The following FKBP15 variants were observed in gnomAD, a reference collection of about 807,000 sequenced individuals.
The protein encoded by FKBP15 is FK506-binding protein 15.
A neutral mutation model predicts 158.1 loss-of-function variants in FKBP15; 106 were observed. That is an observed-to-expected ratio of 0.67 (90% CI 0.57 to 0.79). The LOEUF is 0.79. FKBP15 is among the 30% of genes least tolerant of loss of function. The pLI, the probability that FKBP15 is intolerant of heterozygous loss-of-function variation, is 0.00. For missense variants in FKBP15, 1,287 were observed against 1,479.1 expected, an observed-to-expected ratio of 0.87 and a Z score of 2.13; for synonymous variants, 547 against 548.6, an observed-to-expected ratio of 1.00 and a Z score of 0.04.
chr9:113,196,164 C>G (rs1465052450), intron 9 of FKBP15, among the ~76,000 whole-genome samples: 1 of 152,050 alleles, frequency 6.6e-6, no homozygotes, highest in African/African-American at 2.4e-5. Flanking sequence ...TAACCAGTAT[C>G]TTAATGATGG....
At chr9:113,188,584 G>A in intron 12 of FKBP15, 93 bp from the exon 13 acceptor site, 1 of 978,246 alleles carries the variant, frequency 1.0e-6, no homozygotes, top group East Asian at 2.5e-5. Context: ...TTCCAACACA[G>A]GATTTCTAGG....
At chr9:113,192,045 A>G (rs911204939) in intron 11 of FKBP15, among the ~76,000 whole-genome samples, 15 of 151,890 alleles carry the variant, frequency 9.9e-5, no homozygotes, top group African/African-American at 3.1e-4. Flanking sequence ...TAAAAAAAAA[A>G]AGAGAAGAAA....
chr9:113,194,322 C>T (rs1328455310), intron 9 of FKBP15, among the ~76,000 whole-genome samples, 153 bp from the exon 10 acceptor site: 1 of 151,780 alleles, frequency 6.6e-6, no homozygotes, highest in Non-Finnish European at 1.5e-5. Flanking sequence ...TGCTAGATGA[C>T]AAGTTAGTGG....
chr9:113,211,000 T>C (rs1830990076), intron 2 of FKBP15, among the ~76,000 whole-genome samples: 1 of 152,202 alleles, frequency 6.6e-6, no homozygotes, highest in Non-Finnish European at 1.5e-5. Context: ...CTCGGACTGA[T>C]CCACTACTGG....
chr9:113,162,293 A>C lies in FKBP15; in HGVS notation c.*3785T>G, dbSNP rs560365727. ...CTCATTCCTGTTTTACTGATAAGGAATCTTACGTTCAGAGAGGTTAAGACA... is the reference window on the plus strand; with the variant it reads ...CTCATTCCTGTTTTACTGATAAGGACTCTTACGTTCAGAGAGGTTAAGACA... On this transcript the variant is annotated 3_prime_UTR_variant, in exon 28 of 28. Transcript: ENST00000238256. 8.2e-5 allele frequency: 19 copies of C among 231,878 alleles called. No individual in the cohort carries two copies. The highest frequency in any genetic ancestry group is 1.4e-4 in the Non-Finnish European group (16 of 117,482). The allele number at this position is 231,878 out of a possible 1,614,324, so 14.4% of individuals were successfully genotyped here.
rs202242406 is a variant in FKBP15 at position 113,173,530 on chromosome 9, C to T, written c.2455G>A (p.Glu819Lys). ...ACCTCCTGGTACTGCTGCAGGTGCTCATCCTTGGCGGAGGCCAACAAATGT... is the reference window on the plus strand; with the variant it reads ...ACCTCCTGGTACTGCTGCAGGTGCTTATCCTTGGCGGAGGCCAACAAATGT... ...CEHLLASAKD[E>K]HLQQYQEVCA... Residue 819 changes from glutamate to lysine, a missense_variant, in exon 23 of 28, where the codon GAG becomes AAG. Transcript: ENST00000238256. The T allele has an allele frequency of 1.1e-4, 184 of 1,614,002 alleles. 1 individual carries two copies. The South Asian group carries it at 1.7e-3, about 15-fold the overall frequency.
intron 1 of FKBP15, among the ~76,000 whole-genome samples, chr9:113,218,166 C>CT (rs1831178625): frequency 6.6e-6 from 1 of 151,704 alleles, no homozygotes; most frequent in South Asian, 2.1e-4. Flanking sequence ...AGTATTAATA[C>CT]TTTTTTAAAC....
chr9:113,178,618 C>T lies in FKBP15; in HGVS notation c.2086+12G>A, dbSNP rs1252193457. 10 of 1,602,496 alleles carry T rather than the reference C, an allele frequency of 6.2e-6. No homozygotes were observed. Among genetic ancestry groups the T allele is most frequent in the Non-Finnish European group, 7.7e-6 (9 of 1,175,170 alleles). ...ATGGCAACAATCCCAGCATCCCCCA[C>T]CTAGCACATACCTGAGAGCTTTGCC... On this transcript the variant is annotated intron_variant, in intron 20 of 27. Transcript: ENST00000238256.
At chr9:113,203,336 A>G (rs1427036882) in intron 4 of FKBP15, among the ~76,000 whole-genome samples, 11 of 152,166 alleles carry the variant, frequency 7.2e-5, no homozygotes, top group Non-Finnish European at 2.9e-5. Flanking sequence ...GAAAATACAA[A>G]TTGTTTTTAA....
chr9:113,174,456 A>G lies in FKBP15; in HGVS notation c.2351T>C (p.Val784Ala). ...KLRQLLKKTR[V>A]STDQAAAEQL... ...CTCTGCAGCTGCTTGGTCTGTGGAC[A>G]CTCGAGTCTTTTTCAAGAGCTGTCG... is the stretch of plus-strand genomic sequence containing the variant. Residue 784 changes from valine to alanine, a missense_variant, in exon 22 of 28, where the codon GTG (valine) becomes GCG (alanine). Transcript: ENST00000238256. The G allele has an allele frequency of 6.2e-7, 1 of 1,613,878 alleles. No homozygotes were observed. Among genetic ancestry groups the G allele is most frequent in the Non-Finnish European group, 8.5e-7 (1 of 1,179,834 alleles).
rs544106020 is a variant in FKBP15, at chr9:113,211,577, T to C, written c.69A>G (p.Ser23=). ...LSPSGGARLA[S]LFGLDQAAAG... is the part of the protein sequence containing the mutation. ...CAGCTGCCTGATCCAGTCCAAAAAGTGAGGCCAATCTGGCACTGTTAGTAG... is the reference window on the plus strand; with the variant it reads ...CAGCTGCCTGATCCAGTCCAAAAAGCGAGGCCAATCTGGCACTGTTAGTAG... The change falls in exon 2 of 28, where the codon TCA becomes TCG. Residue 23 remains serine (S), a synonymous_variant. Transcript: ENST00000238256. The C allele has an allele frequency of 9.4e-6, 15 of 1,601,884 alleles. No homozygotes were observed. The African/African-American group carries it at 1.9e-4, about 20-fold the overall frequency.
rs777933752 is a variant in FKBP15, at chr9:113,174,135, A to G, written c.2379+293T>C. On this transcript the variant is annotated intron_variant, in intron 22 of 27. Transcript: ENST00000238256. ...TAATGTGCCTGAAGGATGGTGTCCA[A>G]TGGTTGATGGTTTTGGCCTTACCAT... Among the ~76,000 whole-genome samples, 56 of 152,110 alleles carry G rather than the reference A, an allele frequency of 3.7e-4. 1 individual carries two copies. Among genetic ancestry groups the G allele is most frequent in the East Asian group, 9.6e-4 (5 of 5,200 alleles).
At chr9:113,218,551 T>C (rs1831191965) in intron 1 of FKBP15, among the ~76,000 whole-genome samples, 1 of 152,132 alleles carries the variant, frequency 6.6e-6, no homozygotes, top group Non-Finnish European at 1.5e-5. Flanking sequence ...ATTTATATAC[T>C]TGTGAACACA....
chr9:113,219,858 A>G (rs994578754), intron 1 of FKBP15, among the ~76,000 whole-genome samples: 1 of 152,254 alleles, frequency 6.6e-6, no homozygotes, highest in African/African-American at 2.4e-5. Context: ...TAACTGTAAA[A>G]TAACTGAGAA....
chr9:113,168,743 C>T, intron 26 of FKBP15, among the ~76,000 whole-genome samples, 187 bp from the exon 27 acceptor site: 1 of 152,138 alleles, frequency 6.6e-6, no homozygotes, highest in Non-Finnish European at 1.5e-5. Flanking sequence ...TGCGGTTGGC[C>T]CCCTCCAGAA....
chr9:113,219,023 T>C (rs1030151411), intron 1 of FKBP15, among the ~76,000 whole-genome samples: 4 of 152,230 alleles, frequency 2.6e-5, no homozygotes, highest in Admixed American at 2.0e-4. Context: ...TTTATTCTAC[T>C]ACTAAAATAA....
Position 113,198,758 on chromosome 9 carries a change from A to C in FKBP15, c.717+97T>G. 1 of 924,934 alleles carries C rather than the reference A, an allele frequency of 1.1e-6. No individual in the cohort carries two copies. Among genetic ancestry groups the C allele is most frequent in the East Asian group, 2.7e-5 (1 of 36,486 alleles). The allele number at this position is 924,934 out of a possible 1,614,324, so 57.3% of individuals were successfully genotyped here. On this transcript the variant is annotated intron_variant, in intron 8 of 27. Transcript: ENST00000238256. The surrounding 1 kb of genome is among the most constrained non-coding windows in gnomAD (Gnocchi z 5.2). ...CAAGAGCGAAACTCCGTCTCAAAAA[A>C]TAAAAATAAAATAAAAAAAGGAATT... is the stretch of plus-strand genomic sequence containing the variant.
At chr9:113,216,056 C>T (rs1454957616) in intron 1 of FKBP15, among the ~76,000 whole-genome samples, 2 of 128,152 alleles carry the variant, frequency 1.6e-5, no homozygotes, top group African/African-American at 3.1e-5. Flanking sequence ...TCACTCAACA[C>T]GGGGTTGGAC....
chr9:113,205,418 C>T (rs904787805), intron 4 of FKBP15, among the ~76,000 whole-genome samples: 2 of 152,110 alleles, frequency 1.3e-5, no homozygotes, highest in Admixed American at 1.3e-4. Flanking sequence ...TGAAAAGATA[C>T]TCAACATTAG....
Sources: gnomAD v4.1 joint callset for allele counts (sites outside exome capture counted in the v4.1 genomes callset) on GRCh38, gnomAD v4.1.1 for gene constraint, Gnocchi (gnomAD v3.1) non-coding constraint, MANE v1.5 for transcripts, NCBI Gene and HGNC (gene_info 2026-07-23, HGNC 2026-07-21) for gene names.